CR2: variants seen among roughly 807,000 people sequenced by gnomAD.
The protein encoded by CR2 is complement C3d receptor 2, also known as complement receptor type 2.
A neutral mutation model predicts 123.0 loss-of-function variants in CR2; 96 were observed. The observed-to-expected ratio is 0.78, with a 90% CI of 0.66 to 0.93. CR2 has a LOEUF of 0.93. Among genes scored for constraint, CR2 ranks in the 40% least tolerant of loss-of-function variants. CR2 has a pLI of 0.00. For synonymous variants in CR2, 484 were observed against 469.5 expected (o/e 1.03, Z -0.40); for missense variants, 1,258 against 1,361.0 (o/e 0.92, Z 1.19).
chr1:207,478,525 CAAAAAAAAAAAA>C (rs36116544), intron 16 of CR2, among the ~76,000 whole-genome samples: 6 of 58,744 alleles, frequency 1.0e-4, no homozygotes, highest in East Asian at 5.9e-4. Context: ...AAGACCCTAT[CAAAAAAAAAAAA>C]AAAAAAAAAA....
At chr1:207,476,704 C>T (rs938931835) in intron 15 of CR2, among the ~76,000 whole-genome samples, 11 of 152,174 alleles carry the variant, frequency 7.2e-5, no homozygotes, top group Non-Finnish European at 1.2e-4. Context: ...TATTTACACA[C>T]TGTAGTTACA....
intron 18 of CR2, among the ~76,000 whole-genome samples, chr1:207,480,340 T>C (rs546505117): frequency 5.3e-5 from 8 of 152,308 alleles, no homozygotes; most frequent in African/African-American, 1.9e-4. Context: ...CTTTGGTGTA[T>C]TCGTATCTGA....
chr1:207,464,533 C>T (rs549642257), intron 1 of CR2, among the ~76,000 whole-genome samples: 2 of 152,250 alleles, frequency 1.3e-5, no homozygotes, highest in Middle Eastern at 3.4e-3. Context: ...ATGCATTGCA[C>T]CAGCAAAGAT....
At chr1:207,477,592 C>T (rs543508445) in intron 15 of CR2, among the ~76,000 whole-genome samples, 6 of 152,268 alleles carry the variant, frequency 3.9e-5, no homozygotes, top group East Asian at 1.9e-4. Context: ...ATTACCAATT[C>T]GGCCCTCACC....
At chr1:207,469,606 C>T (rs1658203461) in intron 5 of CR2, 89 bp from the exon 6 acceptor site, 3 of 1,184,602 alleles carry the variant, frequency 2.5e-6, no homozygotes. Context: ...ATATCACTGT[C>T]CTAGGATAGT....
At chr1:207,478,193 T>C in intron 16 of CR2, 123 bp downstream of exon 16, 4 of 1,065,994 alleles carry the variant, frequency 3.8e-6, no homozygotes, top group African/African-American at 1.6e-5. Context: ...AGTTGTATAA[T>C]TACAGAGGAA....
intron 14 of CR2, 135 bp downstream of exon 14, chr1:207,475,351 T>C: frequency 2.1e-6 from 2 of 945,528 alleles, no homozygotes; most frequent in Non-Finnish European, 3.1e-6. Flanking sequence ...ACAAGATATT[T>C]GCCTTTTCCT....
chr1:207,489,516 ATG>A lies in CR2; in HGVS notation c.*397_*398del, dbSNP rs1419933777. The A allele has an allele frequency of 6.6e-6, 1 of 152,180 alleles. No individual in the cohort carries two copies. Among genetic ancestry groups the A allele is most frequent in the Non-Finnish European group, 1.5e-5 (1 of 68,020 alleles). 9.4% of individuals were successfully genotyped at this position (152,180 alleles called of 1,614,324 possible). ...ATGTTACTATCTGCTTTTGGTTATA[ATG>A]TGTTTTTAATTATCTAAAGTATGAA... On this transcript the variant is annotated 3_prime_UTR_variant, in exon 20 of 20. Transcript: ENST00000367057.
In CR2 at chr1:207,474,915, T is replaced by C. The variant is rs1658391311; in HGVS notation, c.2415T>C (p.Tyr805=). The C allele has an allele frequency of 6.2e-7, 1 of 1,613,974 alleles. No homozygotes were observed. The highest frequency in any genetic ancestry group is 1.1e-5 in the South Asian group (1 of 91,090). Residue 805 remains tyrosine, a synonymous_variant, in exon 14 of 20, where the codon TAT becomes TAC. Transcript: ENST00000367057. ...ENFLYGNEVS[Y]ECDQGFYLLG... ...TTCTATATGGAAATGAAGTCTCTTATGAATGTGACCAAGGATTCTATCTCC... is the reference window on the plus strand; with the variant it reads ...TTCTATATGGAAATGAAGTCTCTTACGAATGTGACCAAGGATTCTATCTCC...
intron 9 of CR2, among the ~76,000 whole-genome samples, chr1:207,472,537 C>T (rs1309715650): frequency 6.6e-6 from 1 of 152,164 alleles, no homozygotes; most frequent in Admixed American, 6.5e-5. Flanking sequence ...GCCTAACTAA[C>T]TCCTAATGTG....
chr1:207,454,680 C>T lies in CR2; in HGVS notation c.58+204C>T. 1.9e-6 allele frequency: 1 copy of T among 513,596 alleles called. No individual in the cohort carries two copies. Among genetic ancestry groups the T allele is most frequent in the Non-Finnish European group, 3.4e-6 (1 of 291,902 alleles). The allele number at this position is 513,596 out of a possible 1,614,324, so 31.8% of individuals were successfully genotyped here. A position where few individuals can be genotyped will look rare whatever the true frequency, so the allele number is the denominator to read the frequency against. ...CTGGCCCCTCCGGGAGCTGGGACCT[C>T]CAGAATTGGAGGCTGCGCCACAGAG... is the stretch of plus-strand genomic sequence containing the variant. On this transcript the variant is annotated intron_variant, in intron 1 of 19. Coordinates refer to ENST00000367057, the MANE Select transcript of CR2 (RefSeq NM_001006658.3). The surrounding 1 kb of genome is among the most constrained non-coding windows in gnomAD (Gnocchi z 4.3).
At chr1:207,484,574 A>G (rs894915667) in intron 18 of CR2, among the ~76,000 whole-genome samples, 2 of 152,230 alleles carry the variant, frequency 1.3e-5, no homozygotes, top group African/African-American at 2.4e-5. Flanking sequence ...CTGTTTTATA[A>G]TCTTCTTAAC....
intron 18 of CR2, among the ~76,000 whole-genome samples, chr1:207,480,588 T>G (rs191583326): frequency 6.6e-6 from 1 of 152,338 alleles, no homozygotes; most frequent in East Asian, 1.9e-4. Context: ...GCTAAACCTT[T>G]TTTCATACCC....
At position 207,468,821 on chromosome 1, in the gene CR2, G is replaced by A; in HGVS notation, c.656G>A (p.Gly219Glu). 5 of 1,614,000 alleles carry A rather than the reference G, an allele frequency of 3.1e-6. No homozygotes were observed. Among genetic ancestry groups the A allele is most frequent in the Non-Finnish European group, 4.2e-6 (5 of 1,179,924 alleles). Residue 219 changes from glycine (G) to glutamate (E), a missense_variant, in exon 4 of 20, where the codon GGA becomes GAA. By Grantham distance (98) the Gly-to-Glu change is moderately conservative (BLOSUM62 -2). Coordinates refer to ENST00000367057, the MANE Select transcript of CR2 (RefSeq NM_001006658.3). ...TCEEARCKSL[G>E]RFPNGKVKEP... The stretch of plus-strand genomic sequence containing the variant: ...TTAGAGGCACGCTGTAAATCTCTAG[G>A]ACGATTTCCCAATGGGAAGGTAAAG...
chr1:207,470,767 A>T lies in CR2; in HGVS notation c.1253A>T (p.Asn418Ile). The change falls in exon 7 of 20, where the codon AAT (asparagine) becomes ATT (isoleucine). Residue 418 changes from asparagine to isoleucine, a missense_variant. Transcript: ENST00000367057. Reference sequence around the variant, plus strand: ...TGCCAGGCCCCTCCTAACATCCTCAATGGGCAAAAGGAAGATAGACACATG... The same window carrying T: ...TGCCAGGCCCCTCCTAACATCCTCATTGGGCAAAAGGAAGATAGACACATG... ...KECQAPPNILNGQKEDRHMVR... is the reference protein window; with the variant it reads ...KECQAPPNILIGQKEDRHMVR... 6.2e-7 allele frequency: 1 copy of T among 1,613,840 alleles called. No individual in the cohort carries two copies. The highest frequency in any genetic ancestry group is 8.5e-7 in the Non-Finnish European group (1 of 1,179,828).
At chr1:207,474,057 G>C (rs1024462835) in intron 12 of CR2, among the ~76,000 whole-genome samples, 172 bp downstream of exon 12, 1 of 152,116 alleles carries the variant, frequency 6.6e-6, no homozygotes, top group African/African-American at 2.4e-5. Context: ...GTCGTCTCTT[G>C]ACATGGAAAG....
intron 1 of CR2, 34 bp from the exon 2 acceptor site, chr1:207,466,492 A>T (rs1478032193): frequency 1.2e-5 from 20 of 1,612,880 alleles, no homozygotes; most frequent in Non-Finnish European, 1.7e-5. Flanking sequence ...CACCATGATC[A>T]GTATGCCTAC....
intron 17 of CR2, among the ~76,000 whole-genome samples, chr1:207,479,537 G>T (rs988448008): frequency 1.2e-4 from 18 of 152,200 alleles, no homozygotes; most frequent in African/African-American, 4.3e-4. Context: ...GTTGGTGTTT[G>T]GCTTGATTTG....
At chr1:207,469,068 C>A (rs1469725902) in intron 4 of CR2, 82 bp from the exon 5 acceptor site, 27 of 1,394,462 alleles carry the variant, frequency 1.9e-5, no homozygotes, top group Non-Finnish European at 2.7e-5. Flanking sequence ...TTGAAATGAA[C>A]TTGTCTTGAA....
Sources: gnomAD v4.1 joint callset for allele counts (sites outside exome capture counted in the v4.1 genomes callset) on GRCh38, gnomAD v4.1.1 for gene constraint, Gnocchi (gnomAD v3.1) non-coding constraint, MANE v1.5 for transcripts, NCBI Gene and HGNC (gene_info 2026-07-23, HGNC 2026-07-21) for gene names.